Variants in KLHDC1 observed in about 807,000 individuals in gnomAD.
KLHDC1 encodes kelch domain-containing protein 1.
In KLHDC1, 53 loss-of-function variants were observed where a neutral mutation model predicts 68.3. The ratio of observed to expected loss-of-function variants is 0.78; its 90% CI spans 0.62 to 0.98. The LOEUF is 0.98. Among genes scored for constraint, KLHDC1 ranks in the 50% least tolerant of loss-of-function variants. The pLI is 0.00. For synonymous variants in KLHDC1, 148 were observed against 159.0 expected, an observed-to-expected ratio of 0.93 and a Z score of 0.52; for missense variants, 470 against 492.3, an observed-to-expected ratio of 0.95 and a Z score of 0.43.
intron 12 of KLHDC1, among the ~76,000 whole-genome samples, chr14:49,749,521 C>CA (rs1889276568): frequency 1.3e-5 from 2 of 150,988 alleles, no homozygotes; most frequent in South Asian, 2.1e-4. Flanking sequence ...ACTAAAAATA[C>CA]AAAAAAATTA....
chr14:49,741,437 C>A (rs920690987), intron 11 of KLHDC1, among the ~76,000 whole-genome samples: 1 of 151,804 alleles, frequency 6.6e-6, no homozygotes, highest in South Asian at 2.1e-4. Context: ...TCCCAAGTAG[C>A]TGGGATTACA....
At chr14:49,713,837 TATA>T (rs1449526972) in intron 4 of KLHDC1, among the ~76,000 whole-genome samples, 127 of 5,130 alleles carry the variant, frequency 0.025, 18 homozygotes, top group Non-Finnish European at 0.048. Flanking sequence ...TATATATATA[TATA>T]TATATATATA....
intron 6 of KLHDC1, among the ~76,000 whole-genome samples, chr14:49,726,214 C>T (rs1888668031): frequency 6.6e-6 from 1 of 152,134 alleles, no homozygotes; most frequent in Non-Finnish European, 1.5e-5. Context: ...TGAGTACTTT[C>T]ATTAATAGCA....
chr14:49,705,361 C>CTTT (rs1334189965), intron 1 of KLHDC1, among the ~76,000 whole-genome samples: 1 of 35,310 alleles, frequency 2.8e-5, no homozygotes, highest in Non-Finnish European at 6.7e-5. Flanking sequence ...ATATTTCTTT[C>CTTT]TTTCTTTTTT....
intron 8 of KLHDC1, 97 bp downstream of exon 8, chr14:49,729,645 AT>A (rs1018686807): frequency 2.6e-6 from 2 of 759,344 alleles, no homozygotes; most frequent in East Asian, 2.6e-5. Context: ...CTGGACTGGT[AT>A]TTTTTTCCTT....
At chr14:49,706,516 C>G (rs1279666208) in intron 1 of KLHDC1, among the ~76,000 whole-genome samples, 1 of 152,198 alleles carries the variant, frequency 6.6e-6, no homozygotes, top group Non-Finnish European at 1.5e-5. Context: ...GGTGCTGGAT[C>G]ATATGGTAGC....
At chr14:49,700,732 C>T (rs143376689) in intron 1 of KLHDC1, among the ~76,000 whole-genome samples, 385 of 152,196 alleles carry the variant, frequency 2.5e-3, no homozygotes, top group African/African-American at 8.7e-3. Context: ...GTCACAATAC[C>T]ATAATAATTA....
At chr14:49,747,006 A>G (rs1454508245) in intron 12 of KLHDC1, among the ~76,000 whole-genome samples, 4 of 145,156 alleles carry the variant, frequency 2.8e-5, no homozygotes, top group East Asian at 4.0e-4. Flanking sequence ...GGAGTGCAGT[A>G]CGCGATCTCA....
chr14:49,719,880 A>G (rs1157180215), intron 4 of KLHDC1, among the ~76,000 whole-genome samples: 2 of 152,020 alleles, frequency 1.3e-5, no homozygotes, highest in African/African-American at 4.8e-5. Context: ...GCTGAAGTGC[A>G]GTAATGCAGT....
chr14:49,693,445 A>G (rs1278754392), intron 1 of KLHDC1, among the ~76,000 whole-genome samples, 155 bp downstream of exon 1: 3 of 151,544 alleles, frequency 2.0e-5, no homozygotes, highest in Non-Finnish European at 4.4e-5. Flanking sequence ...CGCCGCCCCC[A>G]CAGCCGCGCC....
chr14:49,722,609 G>T (rs968431605), intron 4 of KLHDC1, among the ~76,000 whole-genome samples: 19 of 152,168 alleles, frequency 1.2e-4, no homozygotes, highest in Admixed American at 1.2e-3. Context: ...CTTGTATTAC[G>T]CCTTTTTCAC....
At chr14:49,711,872 C>A (rs1481238106) in intron 4 of KLHDC1, among the ~76,000 whole-genome samples, 1 of 146,494 alleles carries the variant, frequency 6.8e-6, no homozygotes, top group Non-Finnish European at 1.5e-5. Context: ...AAGGTCTATA[C>A]GTTATAATCG....
intron 5 of KLHDC1, 47 bp downstream of exon 5, chr14:49,723,999 C>A: frequency 9.7e-7 from 1 of 1,032,282 alleles, no homozygotes; most frequent in Non-Finnish European, 1.5e-6. Flanking sequence ...TCAGTATAGC[C>A]TTAACATCTT....
At position 49,738,002 on chromosome 14, in the gene KLHDC1, T is replaced by C. The variant is rs1032791046; in HGVS notation, c.897-2096T>C. On this transcript the variant is annotated intron_variant, in intron 10 of 12. Transcript: ENST00000359332. ...CTCTTACTCTGGAAATATTCAACTT[T>C]GTTAAACCATAAAATTAGTATTTGG... 1.6e-4 allele frequency among the ~76,000 whole-genome samples: 24 copies of C among 152,242 alleles called. No individual in the cohort carries two copies. In the East Asian group the frequency reaches 4.6e-3, roughly 29 times the overall value.
At chr14:49,745,629 G>T (rs1019954706) in intron 12 of KLHDC1, among the ~76,000 whole-genome samples, 3 of 152,226 alleles carry the variant, frequency 2.0e-5, no homozygotes, top group Non-Finnish European at 4.4e-5. Flanking sequence ...AAAGGTTAGG[G>T]AAGTCTTTGC....
In KLHDC1 at chr14:49,729,389, A is replaced by G. The variant is rs1888747407; in HGVS notation, c.652-101A>G. ...TAGTTAAACATCTTATGTGAAGTAA[A>G]ATAGAGATAGTCTATTTTTAATCTG... On this transcript the variant is annotated intron_variant, in intron 7 of 12. Transcript: ENST00000359332. 5.3e-6 allele frequency: 4 copies of G among 749,694 alleles called. No homozygotes were observed. In the Admixed American group the frequency reaches 8.3e-5, roughly 16 times the overall value. 46.4% of individuals were successfully genotyped at this position (749,694 alleles called of 1,614,324 possible).
chr14:49,740,342 GT>G (rs1426068383), intron 11 of KLHDC1, among the ~76,000 whole-genome samples, 160 bp downstream of exon 11: 1 of 152,110 alleles, frequency 6.6e-6, no homozygotes, highest in African/African-American at 2.4e-5. Flanking sequence ...TGGCTTTTTT[GT>G]TTGTTTGTTT....
At chr14:49,708,945 A>G (rs1467698054) in intron 1 of KLHDC1, among the ~76,000 whole-genome samples, 1 of 151,914 alleles carries the variant, frequency 6.6e-6, no homozygotes. Flanking sequence ...TATACTCGCT[A>G]TGTTTTATTT....
chr14:49,693,312 G>C, intron 1 of KLHDC1, 22 bp downstream of exon 1: 1 of 1,444,862 alleles, frequency 6.9e-7, no homozygotes, highest in Non-Finnish European at 9.2e-7. Context: ...AGGCGGGACG[G>C]GGTAGACTCG....
Sources: allele counts gnomAD v4.1 joint callset (sites outside exome capture counted in the v4.1 genomes callset), GRCh38; gene constraint gnomAD v4.1.1; transcripts MANE v1.5; gene names NCBI Gene and HGNC (gene_info 2026-07-23, HGNC 2026-07-21).